Variants in CD79B observed in about 807,000 individuals in gnomAD.
CD79B encodes the protein CD79b molecule, also known as B-cell antigen receptor complex-associated protein beta chain.
A neutral mutation model predicts 30.0 loss-of-function variants in CD79B; 7 were observed. That is an observed-to-expected ratio of 0.23 (90% CI 0.13 to 0.44). CD79B has a LOEUF of 0.44. CD79B is among the 20% of genes least tolerant of loss of function. CD79B has a pLI of 1.00. For missense variants in CD79B, 218 were observed against 299.1 expected, an observed-to-expected ratio of 0.73 and a Z score of 2.00; for synonymous variants, 118 against 119.2, an observed-to-expected ratio of 0.99 and a Z score of 0.07.
chr17:63,929,992 G>T, intron 3 of CD79B, 82 bp downstream of exon 3: 2 of 1,561,180 alleles, frequency 1.3e-6, no homozygotes, highest in South Asian at 1.1e-5. Flanking sequence ...GTGCTCTAGG[G>T]CCATGACCAT....
intron 1 of CD79B, chr17:63,931,876 C>A: frequency 2.1e-6 from 1 of 478,362 alleles, no homozygotes. Context: ...CCCTCCCGAC[C>A]CCCAGGCACC....
chr17:63,930,414 T>C, intron 2 of CD79B, 29 bp from the exon 3 acceptor site: 1 of 1,605,610 alleles, frequency 6.2e-7, no homozygotes, highest in Non-Finnish European at 8.5e-7. Flanking sequence ...GGCTCAGCAT[T>C]CCGCTTGGCA....
intron 2 of CD79B, 197 bp from the exon 3 acceptor site, chr17:63,930,582 G>C: frequency 1.6e-6 from 1 of 617,974 alleles, no homozygotes; most frequent in Non-Finnish European, 2.9e-6. Context: ...GAGAAGCCAC[G>C]GCCAAGCTCT....
At chr17:63,930,428 T>G in intron 2 of CD79B, 43 bp from the exon 3 acceptor site, 1 of 1,566,868 alleles carries the variant, frequency 6.4e-7, no homozygotes, top group Middle Eastern at 1.7e-4. Flanking sequence ...CTTGGCATCT[T>G]CCTGAGTGCC....
At chr17:63,930,460 C>T (rs1245674082) in intron 2 of CD79B, 75 bp from the exon 3 acceptor site, 5 of 1,357,612 alleles carry the variant, frequency 3.7e-6, no homozygotes, top group Non-Finnish European at 5.2e-6. Context: ...CAGGCCCCTG[C>T]CCTGGCTGGC....
Position 63,929,310 on chromosome 17 carries a change from G to C in CD79B, c.606C>G (p.Asp202Glu). Reference sequence around the variant, plus strand: ...CTATGTCCTCATAGGTGGCTGTCTGGTCAATGTCCAGGCCCTGGAGACATT... The same window carrying C: ...CTATGTCCTCATAGGTGGCTGTCTGCTCAATGTCCAGGCCCTGGAGACATT... ...EDHTYEGLDIDQTATYEDIVT... is the reference protein window; with the variant it reads ...EDHTYEGLDIEQTATYEDIVT... Residue 202 changes from aspartate (D) to glutamate (E), a missense_variant, in exon 6 of 6, where the codon GAC (aspartate) becomes GAG (glutamate). Asp to Glu is a conservative substitution (Grantham distance 45, BLOSUM62 2). Transcript: ENST00000006750. The C allele has an allele frequency of 6.2e-7, 1 of 1,613,864 alleles. No individual in the cohort carries two copies. Among genetic ancestry groups the C allele is most frequent in the South Asian group, 1.1e-5 (1 of 91,072 alleles).
intron 4 of CD79B, 34 bp downstream of exon 4, chr17:63,929,736 C>T (rs200800427): frequency 2.8e-4 from 411 of 1,487,056 alleles, no homozygotes; most frequent in Middle Eastern, 3.4e-4. Context: ...GCCTCCTCTG[C>T]GGTCCCCCAA....
Position 63,929,118 on chromosome 17 carries a change from G to T in CD79B, c.*108C>A, listed in dbSNP as rs895502012. ...TGGCAGCTCTGGTGGGCCAGCTTCA[G>T]AGGCCAGCTGGGGGGTCCAGGAAAG... On this transcript the variant is annotated 3_prime_UTR_variant, in exon 6 of 6. Coordinates refer to ENST00000006750, the MANE Select transcript of CD79B (RefSeq NM_000626.4). 2 of 792,822 alleles carry T rather than the reference G, an allele frequency of 2.5e-6. No homozygotes were observed. The highest frequency in any genetic ancestry group is 4.4e-6 in the Non-Finnish European group (2 of 451,914). The allele number at this position is 792,822 out of a possible 1,614,324, so 49.1% of individuals were successfully genotyped here.
chr17:63,928,944 C>T lies in CD79B; in HGVS notation c.*282G>A, dbSNP rs553354803. 7.7e-6 allele frequency: 4 copies of T among 522,736 alleles called. No homozygotes were observed. The highest frequency in any genetic ancestry group is 3.2e-5 in the Admixed American group (1 of 31,384). The allele number at this position is 522,736 out of a possible 1,614,324, so 32.4% of individuals were successfully genotyped here. A position where few individuals can be genotyped will look rare whatever the true frequency, so the allele number is the denominator to read the frequency against. On this transcript the variant is annotated 3_prime_UTR_variant, in exon 6 of 6. Transcript: ENST00000006750. Reference sequence around the variant, plus strand: ...GCTCTGGACCAGTCTCTGCCTCCCCCATCCCATGTGTGGGGACGGATCACC... The same window carrying T: ...GCTCTGGACCAGTCTCTGCCTCCCCTATCCCATGTGTGGGGACGGATCACC...
In CD79B at chr17:63,928,926, A is replaced by G; in HGVS notation, c.*300T>C. 2.0e-6 allele frequency: 1 copy of G among 496,974 alleles called. No individual in the cohort carries two copies. 30.8% of individuals were successfully genotyped at this position (496,974 alleles called of 1,614,324 possible). On this transcript the variant is annotated 3_prime_UTR_variant, in exon 6 of 6. Transcript: ENST00000006750. ...CTCCGAGTCCATTTGCGGGCTCTGG[A>G]CCAGTCTCTGCCTCCCCCATCCCAT...
At position 63,932,185 on chromosome 17, in the gene CD79B, G is replaced by C. The variant is rs112931479; in HGVS notation, c.67+10C>G. 3 of 1,612,522 alleles carry C rather than the reference G, an allele frequency of 1.9e-6. No individual in the cohort carries two copies. The South Asian group carries it at 3.3e-5, about 18-fold the overall frequency. On this transcript the variant is annotated intron_variant, in intron 1 of 5. Coordinates refer to ENST00000006750, the MANE Select transcript of CD79B (RefSeq NM_000626.4). The stretch of plus-strand genomic sequence containing the variant: ...AGCAAACCCCACAGGCCTCGTCGTG[G>C]GTTCTGTACCTGAGAGCAGCAGCAG...
In CD79B at chr17:63,929,414, G is replaced by T; in HGVS notation, c.591+20C>A. ...CTGACCCCGAGGACTCAGAGCTGCT[G>T]GGCCTGCCCCTCTCCTTACCTCGTA... is the stretch of plus-strand genomic sequence containing the variant. On this transcript the variant is annotated intron_variant, in intron 5 of 5. Transcript: ENST00000006750. 1 of 1,613,884 alleles carries T rather than the reference G, an allele frequency of 6.2e-7. No individual in the cohort carries two copies.
intron 1 of CD79B, among the ~76,000 whole-genome samples, 160 bp from the exon 2 acceptor site, chr17:63,931,545 G>C (rs2144760762): frequency 6.6e-6 from 1 of 152,324 alleles, no homozygotes; most frequent in South Asian, 2.1e-4. Context: ...TTGGGAGACA[G>C]ATATGGGGTG....
At chr17:63,931,226 A>T in intron 2 of CD79B, 109 bp downstream of exon 2, 1 of 1,074,384 alleles carries the variant, frequency 9.3e-7, no homozygotes, top group Admixed American at 1.7e-5. Flanking sequence ...GGATGGGGAG[A>T]TCAGGCAAGG....
At position 63,929,757 on chromosome 17, in the gene CD79B, G is replaced by A. The variant is rs746095290; in HGVS notation, c.549+13C>T. The A allele has an allele frequency of 8.9e-6, 14 of 1,581,160 alleles. No homozygotes were observed. The highest frequency in any genetic ancestry group is 2.7e-5 in the African/African-American group (2 of 74,530). ...TCTGCGGTCCCCCAAGGCTTCCCCC[G>A]TCCCCTGATCACCTTGTCCAGCAGC... On this transcript the variant is annotated intron_variant, in intron 4 of 5. Transcript: ENST00000006750.
chr17:63,929,554 C>A, intron 4 of CD79B, 79 bp from the exon 5 acceptor site: 2 of 1,502,968 alleles, frequency 1.3e-6, no homozygotes, highest in Admixed American at 3.4e-5. Flanking sequence ...TGGGGAGGGC[C>A]AGGGAGAGGG....
chr17:63,931,940 A>C, intron 1 of CD79B: 1 of 569,118 alleles, frequency 1.8e-6, no homozygotes, highest in Non-Finnish European at 3.2e-6. Flanking sequence ...CTGGTTGCTA[A>C]CTCTGGTTTG....
Position 63,929,158 on chromosome 17 carries a change from G to T in CD79B, c.*68C>A. 1 of 1,086,360 alleles carries T rather than the reference G, an allele frequency of 9.2e-7. No homozygotes were observed. Among genetic ancestry groups the T allele is most frequent in the Non-Finnish European group, 1.4e-6 (1 of 701,574 alleles). The allele number at this position is 1,086,360 out of a possible 1,614,324, so 67.3% of individuals were successfully genotyped here. On this transcript the variant is annotated 3_prime_UTR_variant, in exon 6 of 6. Coordinates refer to ENST00000006750, the MANE Select transcript of CD79B (RefSeq NM_000626.4). The stretch of plus-strand genomic sequence containing the variant: ...GTCCAGGAAAGGGGTTGGGCCATGA[G>T]CCAGGCAGCTCCGAAGCAGTCACTG...
rs376806532 is a variant in CD79B, at chr17:63,930,035, C to T, written c.430+39G>A. 266 of 1,605,702 alleles carry T rather than the reference C, an allele frequency of 1.7e-4. 1 individual carries two copies. Among genetic ancestry groups the T allele is most frequent in the Non-Finnish European group, 2.1e-4 (250 of 1,174,456 alleles). On this transcript the variant is annotated intron_variant, in intron 3 of 5. Transcript: ENST00000006750. ...AGAGGCAGGCCGGGCTAGGGTGGGGCGGACAGCTACAGGAGCGTCCCAGCC... is the reference window on the plus strand; with the variant it reads ...AGAGGCAGGCCGGGCTAGGGTGGGGTGGACAGCTACAGGAGCGTCCCAGCC...
Sources: allele counts gnomAD v4.1 joint callset (sites outside exome capture counted in the v4.1 genomes callset), GRCh38; gene constraint gnomAD v4.1.1; transcripts MANE v1.5; gene names NCBI Gene and HGNC (gene_info 2026-07-23, HGNC 2026-07-21).